Variants in CA5B observed in about 807,000 individuals in gnomAD.
CA5B encodes carbonic anhydrase 5B, mitochondrial.
In CA5B, 15 loss-of-function variants were observed where a neutral mutation model predicts 23.1. That is an observed-to-expected ratio of 0.65 (90% CI 0.43 to 1.00). The LOEUF (loss-of-function observed/expected upper bound fraction) is 1.00, where lower values mean the gene tolerates loss of function less well. CA5B is among the 50% of genes least tolerant of loss of function. CA5B has a pLI of 0.00. For missense variants in CA5B, 236 were observed against 252.2 expected (o/e 0.94, Z 0.43); for synonymous variants, 84 against 98.5 (o/e 0.85, Z 0.87).
At chrX:15,763,164 C>G (rs982945952) in intron 2 of CA5B, 2 of 160,312 alleles carry the variant, frequency 1.2e-5, no homozygotes, top group African/African-American at 6.2e-5. Flanking sequence ...GAACTCAACT[C>G]AGCACGCACA....
intron 2 of CA5B, among the ~76,000 whole-genome samples, chrX:15,762,311 C>T (rs900414656): frequency 9.0e-6 from 1 of 110,645 alleles, no homozygotes; most frequent in Non-Finnish European, 1.9e-5. Context: ...CAGCAATTAC[C>T]GAAGGAAGAG....
Position 15,776,869 on chromosome X carries a change from G to T in CA5B, c.774G>T (p.Gln258His). 1 of 1,202,539 alleles carries T rather than the reference G, an allele frequency of 8.3e-7. No individual in the cohort carries two copies. ...AACCAGTAGAGGTTGATCATGATCA[G>T]GTATGTTCTCTCCATAATTTCAATC... ...KKQPVEVDHD[Q>H]LEQFRTLLFT... Residue 258 changes from glutamine to histidine, a missense_variant and splice_region_variant, in exon 7 of 8, where the codon CAG (glutamine) becomes CAT (histidine). This residue lies in a region of CA5B where 170 missense variants were observed against 162.0 expected (regional missense o/e 1.05). Coordinates refer to ENST00000318636, the MANE Select transcript of CA5B (RefSeq NM_007220.4).
chrX:15,774,410 A>G lies in CA5B; in HGVS notation c.555+13A>G. On this transcript the variant is annotated intron_variant, in intron 5 of 7. Coordinates refer to ENST00000318636, the MANE Select transcript of CA5B (RefSeq NM_007220.4). ...AGTATTTTTAAAGGTAAAATATCTC[A>G]CCAACTTTAAATGACGTGTTGTATT... The G allele has an allele frequency of 1.3e-6, 1 of 776,311 alleles. No homozygotes were observed. Among genetic ancestry groups the G allele is most frequent in the South Asian group, 2.2e-5 (1 of 46,270 alleles). 64.0% of individuals were successfully genotyped at this position (776,311 alleles called of 1,213,427 possible). A position where few individuals can be genotyped will look rare whatever the true frequency, so the allele number is the denominator to read the frequency against.
At chrX:15,756,387 A>G (rs1385474459) in intron 2 of CA5B, among the ~76,000 whole-genome samples, 1 of 112,549 alleles carries the variant, frequency 8.9e-6, no homozygotes, top group East Asian at 2.8e-4. Flanking sequence ...AGTGGAGGAC[A>G]CAGACCTCAT....
rs552098636 is a variant in CA5B at position 15,753,481 on chromosome X, G to A, written c.142+3316G>A. Among the ~76,000 whole-genome samples, 4 of 112,375 alleles carry A rather than the reference G, an allele frequency of 3.6e-5. No homozygotes were observed. The South Asian group carries it at 1.5e-3, about 41-fold the overall frequency. ...GATTAGATGGTAAACCTCTCTTATG[G>A]GACCTTAAAAGGTGTCAGATCTCTC... On this transcript the variant is annotated intron_variant, in intron 2 of 7. Coordinates refer to ENST00000318636, the MANE Select transcript of CA5B (RefSeq NM_007220.4).
intron 2 of CA5B, among the ~76,000 whole-genome samples, chrX:15,759,061 T>A (rs1031389747): frequency 9.0e-6 from 1 of 111,276 alleles, no homozygotes; most frequent in Non-Finnish European, 1.9e-5. Context: ...TAGCCAGAGG[T>A]CACTTTGTCA....
At chrX:15,770,082 T>A (rs1171650421) in intron 3 of CA5B, among the ~76,000 whole-genome samples, 3 of 111,787 alleles carry the variant, frequency 2.7e-5, no homozygotes, top group African/African-American at 9.8e-5. Context: ...GGGAGGCCGA[T>A]GTGGGTGGAT....
chrX:15,777,261 T>TACAGAATTCAACAATGTTTGTCCAG (rs1931949115), intron 7 of CA5B, among the ~76,000 whole-genome samples: 1 of 111,980 alleles, frequency 8.9e-6, no homozygotes, highest in Non-Finnish European at 1.9e-5. Flanking sequence ...TCAGGATAAA[T>TACAGAATTCAACAATGTTTGTCCAG]ACAGAATTCA....
intron 4 of CA5B, 88 bp downstream of exon 4, chrX:15,772,702 G>T (rs1931845284): frequency 2.0e-6 from 1 of 489,531 alleles, no homozygotes; most frequent in African/African-American, 2.4e-5. Context: ...TTAGAATCAG[G>T]TGATTCCTAT....
At chrX:15,741,626 G>A (rs1237628566) in intron 1 of CA5B, among the ~76,000 whole-genome samples, 3 of 109,467 alleles carry the variant, frequency 2.7e-5, no homozygotes, top group Admixed American at 2.0e-4. Context: ...CCGCCACCAC[G>A]CCTGGCTCAT....
intron 7 of CA5B, among the ~76,000 whole-genome samples, chrX:15,781,110 T>A (rs747212548): frequency 9.0e-6 from 1 of 110,529 alleles, no homozygotes; most frequent in Non-Finnish European, 1.9e-5. Context: ...GCTCAGTAGC[T>A]GGGATTACAG....
At chrX:15,754,427 G>A (rs1434081162) in intron 2 of CA5B, among the ~76,000 whole-genome samples, 5 of 112,387 alleles carry the variant, frequency 4.4e-5, no homozygotes, top group African/African-American at 9.7e-5. Context: ...TGGCAAATTC[G>A]GAAAGCAGCA....
chrX:15,785,750 G>A lies in CA5B; in HGVS notation c.*3086G>A, dbSNP rs1310256911. On this transcript the variant is annotated 3_prime_UTR_variant, in exon 8 of 8. Transcript: ENST00000318636. ...AAACATGGTAAAAAAAGAAGTCTTT[G>A]TTAACTTTCTGCAGTTCACCTGTTT... 8.9e-6 allele frequency: 1 copy of A among 112,490 alleles called. No homozygotes were observed. Among genetic ancestry groups the A allele is most frequent in the African/African-American group, 3.2e-5 (1 of 30,986 alleles). The allele number at this position is 112,490 out of a possible 1,213,427, so 9.3% of individuals were successfully genotyped here.
rs1485515887 is a variant in CA5B at position 15,764,688 on chromosome X, A to G, written c.253A>G (p.Ile85Val). Residue 85 changes from isoleucine (I) to valine (V), a missense_variant, in exon 3 of 8, where the codon ATC becomes GTC. Around this residue, in one of 3 missense-constraint regions of CA5B, gnomAD observed 12 missense variants for 43.6 expected, o/e 0.28. Coordinates refer to ENST00000318636, the MANE Select transcript of CA5B (RefSeq NM_007220.4). Reference sequence around the variant, plus strand: ...TGATCCCGGCTTAAAACCACTGACCATCTCTTATGACCCAGCCACCTGCCT... The same window carrying G: ...TGATCCCGGCTTAAAACCACTGACCGTCTCTTATGACCCAGCCACCTGCCT... Reference protein sequence around the residue: ...VYDPGLKPLTISYDPATCLHV... With the variant: ...VYDPGLKPLTVSYDPATCLHV... 2 of 1,197,525 alleles carry G rather than the reference A, an allele frequency of 1.7e-6. No homozygotes were observed. Among genetic ancestry groups the G allele is most frequent in the Middle Eastern group, 2.3e-4 (1 of 4,261 alleles).
intron 7 of CA5B, among the ~76,000 whole-genome samples, chrX:15,780,594 T>G (rs1041325915): frequency 8.9e-6 from 1 of 112,119 alleles, no homozygotes; most frequent in African/African-American, 3.2e-5. Context: ...TTATAGATAA[T>G]GAACATCTTC....
chrX:15,779,758 A>G (rs1037101751), intron 7 of CA5B, among the ~76,000 whole-genome samples: 1 of 111,474 alleles, frequency 9.0e-6, no homozygotes, highest in African/African-American at 3.3e-5. Context: ...CTGCAAATGT[A>G]TAGGCTTTGT....
rs191195338 is a variant in CA5B at position 15,745,073 on chromosome X, G to C, written c.-53-4898G>C. The stretch of plus-strand genomic sequence containing the variant: ...ATTCCCAGCTACTCTGGAGGCTGAG[G>C]CAGGAGAATTGCTTGAAGCTGGGAG... On this transcript the variant is annotated intron_variant, in intron 1 of 7. Transcript: ENST00000318636. Among the ~76,000 whole-genome samples, 639 of 106,905 alleles carry C rather than the reference G, an allele frequency of 6.0e-3. 12 individuals are homozygous for C. Among genetic ancestry groups the C allele is most frequent in the African/African-American group, 0.021 (620 of 29,251 alleles). The allele number at this position is 106,905 out of a possible 115,157, so 92.8% of individuals were successfully genotyped here.
At chrX:15,775,908 C>G (rs1219907704) in intron 6 of CA5B, 1 of 748,756 alleles carries the variant, frequency 1.3e-6, no homozygotes. Context: ...CTCTGACCTT[C>G]TGGTCCCTAC....
intron 3 of CA5B, among the ~76,000 whole-genome samples, chrX:15,766,408 T>C (rs780965995): frequency 9.0e-6 from 1 of 111,449 alleles, no homozygotes; most frequent in East Asian, 2.8e-4. Context: ...GGTGTTTCCA[T>C]GTCCCCAACT....
Sources: allele counts gnomAD v4.1 joint callset (sites outside exome capture counted in the v4.1 genomes callset), GRCh38; gene constraint gnomAD v4.1.1; regional missense constraint gnomAD v4.1.1; transcripts MANE v1.5; gene names NCBI Gene and HGNC (gene_info 2026-07-23, HGNC 2026-07-21).